The following CHN1 variants were observed in gnomAD, a reference collection of about 807,000 sequenced individuals.
The protein encoded by CHN1 is chimerin 1.
Under a neutral mutation model 59.5 loss-of-function variants are expected in CHN1, and 37 were observed. The observed-to-expected ratio is 0.62, with a 90% confidence interval of 0.48 to 0.82. The LOEUF is 0.82. Among genes scored for constraint, CHN1 ranks in the 40% least tolerant of loss-of-function variants. CHN1 has a pLI of 0.00. For synonymous variants in CHN1, 206 were observed against 200.4 expected (o/e 1.03, Z -0.24); for missense variants, 469 against 571.0 (o/e 0.82, Z 1.82).
intron 7 of CHN1, among the ~76,000 whole-genome samples, chr2:174,841,450 G>A (rs1179090285): frequency 6.6e-6 from 1 of 152,164 alleles, no homozygotes; most frequent in Non-Finnish European, 1.5e-5. Flanking sequence ...TGTTTACAGG[G>A]ACTTTAAAGA....
chr2:174,801,300 T>C (rs556711582), intron 12 of CHN1, among the ~76,000 whole-genome samples: 1 of 152,316 alleles, frequency 6.6e-6, no homozygotes, highest in Non-Finnish European at 1.5e-5. Flanking sequence ...AAGTTTGAAG[T>C]GCTTTTTTTG....
chr2:174,871,834 T>C (rs1485343588), intron 6 of CHN1, among the ~76,000 whole-genome samples: 3 of 152,234 alleles, frequency 2.0e-5, no homozygotes, highest in Non-Finnish European at 4.4e-5. Flanking sequence ...CAACATCTTT[T>C]ATTTCCTCCA....
At chr2:174,991,034 TC>T (rs1360552206) in intron 1 of CHN1, among the ~76,000 whole-genome samples, 2 of 152,230 alleles carry the variant, frequency 1.3e-5, no homozygotes, top group East Asian at 3.8e-4. Flanking sequence ...ACTGACTGCA[TC>T]TTTTAAAAGG....
intron 1 of CHN1, among the ~76,000 whole-genome samples, chr2:174,980,968 T>C (rs192495007): frequency 6.6e-6 from 1 of 152,276 alleles, no homozygotes; most frequent in Admixed American, 6.5e-5. Flanking sequence ...GCTTAAAGCT[T>C]CCATAAAGAG....
intron 11 of CHN1, among the ~76,000 whole-genome samples, chr2:174,803,502 T>C (rs920920991): frequency 6.6e-6 from 1 of 152,180 alleles, no homozygotes; most frequent in Non-Finnish European, 1.5e-5. Context: ...GATACTGAAA[T>C]TTAATCATTG....
Position 174,843,793 on chromosome 2 carries a change from A to G in CHN1, c.627+3087T>C, listed in dbSNP as rs550112750. Among the ~76,000 whole-genome samples the G allele has an allele frequency of 3.3e-5, 5 of 152,200 alleles. No individual in the cohort carries two copies. The South Asian group carries it at 1.0e-3, about 32-fold the overall frequency. On this transcript the variant is annotated intron_variant, in intron 7 of 12. Transcript: ENST00000409900. The stretch of plus-strand genomic sequence containing the variant: ...ACTGGGAACTCAATTTTTCCGATGT[A>G]GAGAGAGATTAAGCAATTGACCCAA...
chr2:174,929,939 CCT>C (rs1689285189), intron 3 of CHN1, among the ~76,000 whole-genome samples: 1 of 152,194 alleles, frequency 6.6e-6, no homozygotes, highest in Admixed American at 6.5e-5. Flanking sequence ...GGTGTGTTTT[CCT>C]CTTAGTGTTG....
intron 3 of CHN1, among the ~76,000 whole-genome samples, chr2:174,937,141 T>C (rs761217895): frequency 7.9e-5 from 12 of 152,252 alleles, no homozygotes; most frequent in Non-Finnish European, 1.6e-4. Context: ...TAATAGTTGA[T>C]AATTCAGGTT....
chr2:174,831,247 T>C (rs969957203), intron 7 of CHN1, among the ~76,000 whole-genome samples: 2 of 152,246 alleles, frequency 1.3e-5, no homozygotes, highest in Non-Finnish European at 2.9e-5. Context: ...ATTGGCCTTA[T>C]TAACAGAGCT....
chr2:174,984,055 GTT>G (rs75391193), intron 1 of CHN1, among the ~76,000 whole-genome samples: 1 of 142,302 alleles, frequency 7.0e-6, no homozygotes, highest in African/African-American at 2.6e-5. Flanking sequence ...CTCCACGCAA[GTT>G]TTTTTTTTTT....
intron 7 of CHN1, among the ~76,000 whole-genome samples, chr2:174,827,779 T>C (rs1685740431): frequency 1.3e-5 from 2 of 152,058 alleles, no homozygotes; most frequent in African/African-American, 2.4e-5. Flanking sequence ...TGGTAACTAA[T>C]TGAAACAGAG....
chr2:174,919,162 G>A (rs1386597588), intron 3 of CHN1, among the ~76,000 whole-genome samples: 1 of 152,152 alleles, frequency 6.6e-6, no homozygotes, highest in Non-Finnish European at 1.5e-5. Flanking sequence ...TGTTCTACCT[G>A]CAGGGACACA....
chr2:174,966,098 CAA>C (rs1482147278), intron 1 of CHN1, among the ~76,000 whole-genome samples: 2 of 152,128 alleles, frequency 1.3e-5, no homozygotes, highest in African/African-American at 4.8e-5. Flanking sequence ...GAAGATGCTT[CAA>C]AATGTGGAAA....
chr2:174,980,403 T>C (rs1691105898), intron 1 of CHN1, among the ~76,000 whole-genome samples: 1 of 152,222 alleles, frequency 6.6e-6, no homozygotes, highest in Admixed American at 6.5e-5. Flanking sequence ...GTTCCACTTC[T>C]TTGCCGCTGT....
intron 1 of CHN1, among the ~76,000 whole-genome samples, chr2:174,966,879 C>T (rs896155608): frequency 6.6e-6 from 1 of 152,166 alleles, no homozygotes. Context: ...TCAGTCCTCT[C>T]AATGATATCT....
At chr2:175,004,081 T>C (rs1691980658) in intron 1 of CHN1, among the ~76,000 whole-genome samples, 1 of 150,732 alleles carries the variant, frequency 6.6e-6, no homozygotes, top group African/African-American at 2.5e-5. Context: ...CTGAATACTT[T>C]GAACGTCTAA....
chr2:174,878,052 T>G lies in CHN1; in HGVS notation c.337A>C (p.Ile113Leu). 2 of 1,613,790 alleles carry G rather than the reference T, an allele frequency of 1.2e-6. No individual in the cohort carries two copies. Among genetic ancestry groups the G allele is most frequent in the South Asian group, 1.1e-5 (1 of 91,038 alleles). The part of the protein sequence containing the change: ...HFVGEKRFES[I>L]HDLVTDGLIT... ...AAGCCATCAGTCACCAGATCGTGGA[T>G]GGACTCAAAGCGTTTCTCCCCAACA... Residue 113 changes from isoleucine to leucine, a missense_variant, in exon 6 of 13, where the codon ATC (isoleucine) becomes CTC (leucine). Transcript: ENST00000409900.
At chr2:174,879,741 C>T (rs1234605281) in intron 5 of CHN1, among the ~76,000 whole-genome samples, 2 of 152,138 alleles carry the variant, frequency 1.3e-5, no homozygotes, top group African/African-American at 2.4e-5. Context: ...CTTTATATTT[C>T]GGTTGTATCA....
chr2:175,000,460 T>G (rs1660402637), intron 1 of CHN1, among the ~76,000 whole-genome samples: 1 of 151,914 alleles, frequency 6.6e-6, no homozygotes, highest in African/African-American at 2.4e-5. Context: ...TTTGTTTGTT[T>G]TGAGACAAAA....
Sources: allele counts gnomAD v4.1 joint callset (sites outside exome capture counted in the v4.1 genomes callset), GRCh38; gene constraint gnomAD v4.1.1; transcripts MANE v1.5; gene names NCBI Gene and HGNC (gene_info 2026-07-23, HGNC 2026-07-21).